The following DAB1 variants were observed in gnomAD, a reference collection of about 807,000 sequenced individuals.
DAB1 encodes DAB adaptor protein 1.
In DAB1, 15 loss-of-function variants were observed where a neutral mutation model predicts 64.6. The observed-to-expected ratio is 0.23, with a 90% CI of 0.16 to 0.36. The LOEUF is 0.36. Among genes scored for constraint, DAB1 ranks in the 10% least tolerant of loss-of-function variants. The pLI is 1.00. For missense variants in DAB1, 596 were observed against 706.7 expected, an observed-to-expected ratio of 0.84 and a Z score of 1.78; for synonymous variants, 235 against 251.9, an observed-to-expected ratio of 0.93 and a Z score of 0.64.
intron 7 of DAB1, among the ~76,000 whole-genome samples, chr1:57,520,297 T>C (rs545537976): frequency 2.0e-5 from 3 of 152,358 alleles, no homozygotes; most frequent in Admixed American, 2.0e-4. Context: ...GGATATTTAC[T>C]GTCTCATTCT....
chr1:57,363,818 G>T (rs1432997199), intron 1 of DAB1, among the ~76,000 whole-genome samples: 1 of 151,752 alleles, frequency 6.6e-6, no homozygotes, highest in Admixed American at 6.6e-5. Flanking sequence ...GCTGATATTT[G>T]TTTGTGGCTC....
At chr1:57,101,640 T>C (rs1654691789) in intron 4 of DAB1, among the ~76,000 whole-genome samples, 1 of 152,220 alleles carries the variant, frequency 6.6e-6, no homozygotes, top group Admixed American at 6.5e-5. Flanking sequence ...AGGCATGCTG[T>C]TTATTGATTC....
chr1:57,808,045 G>A (rs964039018), intron 6 of DAB1, among the ~76,000 whole-genome samples: 2 of 152,032 alleles, frequency 1.3e-5, no homozygotes, highest in African/African-American at 4.8e-5. Flanking sequence ...AAAGTTTTGG[G>A]GGAGTCAAAA....
At chr1:57,154,796 G>A (rs1029601250) in intron 2 of DAB1, among the ~76,000 whole-genome samples, 1 of 152,138 alleles carries the variant, frequency 6.6e-6, no homozygotes, top group Non-Finnish European at 1.5e-5. Context: ...GATGATCAAT[G>A]ACATTGAGCA....
At chr1:57,015,598 A>G (rs1259326834) in intron 11 of DAB1, among the ~76,000 whole-genome samples, 167 bp from the exon 12 acceptor site, 1 of 152,244 alleles carries the variant, frequency 6.6e-6, no homozygotes, top group Non-Finnish European at 1.5e-5. Context: ...TTGCTGTCAT[A>G]GAGCCTATAT....
chr1:58,366,858 T>C (rs1569690254), intron 3 of DAB1, among the ~76,000 whole-genome samples: 1 of 152,246 alleles, frequency 6.6e-6, no homozygotes, highest in African/African-American at 2.4e-5. Flanking sequence ...ATCAAGGTTA[T>C]ATTAACCCTT....
At chr1:58,533,302 C>T (rs1646465241) in intron 1 of DAB1, among the ~76,000 whole-genome samples, 1 of 152,182 alleles carries the variant, frequency 6.6e-6, no homozygotes, top group African/African-American at 2.4e-5. Flanking sequence ...ACAGAAGACC[C>T]ACGTTAAAGT....
rs149079275 is a variant in DAB1 at position 57,457,250 on chromosome 1, T to C, written n.626-166084A>G. Among the ~76,000 whole-genome samples the C allele has an allele frequency of 1.3e-4, 20 of 152,210 alleles. No individual in the cohort carries two copies. The East Asian group carries it at 3.9e-3, about 29-fold the overall frequency. On this transcript the variant is annotated intron_variant and non_coding_transcript_variant, in intron 7 of 20. Coordinates refer to the DAB1 transcript ENST00000485760. ...CACAAACATGTGGTAGACCGGAGAA[T>C]TGGACTAAGAACTGTGTGCACCAAC...
intron 2 of DAB1, among the ~76,000 whole-genome samples, chr1:57,240,084 C>T (rs1668391464): frequency 6.6e-6 from 1 of 152,188 alleles, no homozygotes; most frequent in Admixed American, 6.5e-5. Flanking sequence ...TGTCTTTATG[C>T]ATACTGATGA....
intron 7 of DAB1, among the ~76,000 whole-genome samples, chr1:57,441,332 C>CTTCT (rs57153893): frequency 0.032 from 2,187 of 69,148 alleles, 53 homozygotes; most frequent in African/African-American, 0.099. Flanking sequence ...TTTCCTCCTT[C>CTTCT]TTCTTTCTTT....
At chr1:58,301,162 G>A (rs905332409) in intron 4 of DAB1, among the ~76,000 whole-genome samples, 2 of 150,326 alleles carry the variant, frequency 1.3e-5, no homozygotes, top group Non-Finnish European at 3.0e-5. Context: ...GCCTGCAAAG[G>A]TGGAGTTTTG....
At chr1:58,387,638 C>T (rs1170473531) in intron 3 of DAB1, among the ~76,000 whole-genome samples, 1 of 151,830 alleles carries the variant, frequency 6.6e-6, no homozygotes, top group Non-Finnish European at 1.5e-5. Flanking sequence ...TGAGGACCCT[C>T]AGTGTTTTCT....
intron 2 of DAB1, among the ~76,000 whole-genome samples, chr1:58,515,615 T>C (rs1013298766): frequency 1.3e-5 from 2 of 152,182 alleles, no homozygotes; most frequent in Admixed American, 6.5e-5. Context: ...ACATACCTAT[T>C]AAATAAGATG....
chr1:57,910,080 C>A (rs921268615), intron 5 of DAB1, among the ~76,000 whole-genome samples: 1 of 152,150 alleles, frequency 6.6e-6, no homozygotes, highest in Admixed American at 6.5e-5. Flanking sequence ...AGCGACCCAG[C>A]GATCATTCAT....
intron 7 of DAB1, among the ~76,000 whole-genome samples, chr1:57,598,095 G>C (rs1041061084): frequency 4.6e-5 from 7 of 152,170 alleles, no homozygotes; most frequent in Non-Finnish European, 1.0e-4. Flanking sequence ...CCATTCCCCT[G>C]CCTCAGCCTC....
chr1:58,237,374 G>A (rs1660089682), intron 4 of DAB1, among the ~76,000 whole-genome samples: 1 of 152,196 alleles, frequency 6.6e-6, no homozygotes, highest in Non-Finnish European at 1.5e-5. Flanking sequence ...GCTGATTTTT[G>A]ACATCAACTT....
intron 2 of DAB1, among the ~76,000 whole-genome samples, chr1:57,161,800 A>G (rs1240113138): frequency 1.3e-5 from 2 of 150,976 alleles, no homozygotes; most frequent in Non-Finnish European, 2.9e-5. Context: ...TCAAGTGTAT[A>G]CTCTTCCAAG....
chr1:57,052,767 A>C (rs17451933), intron 9 of DAB1, among the ~76,000 whole-genome samples: 9,734 of 152,234 alleles, frequency 0.064, 436 homozygotes, highest in African/African-American at 0.13. Flanking sequence ...ATATAGGAAT[A>C]CCTTATAGAA....
intron 7 of DAB1, among the ~76,000 whole-genome samples, chr1:57,578,128 G>A (rs540725821): frequency 6.6e-6 from 1 of 152,290 alleles, no homozygotes; most frequent in South Asian, 2.1e-4. Flanking sequence ...GTTAAATTAG[G>A]TCATGCCAGG....
Sources: gnomAD v4.1 joint callset for allele counts (sites outside exome capture counted in the v4.1 genomes callset) on GRCh38, gnomAD v4.1.1 for gene constraint, MANE v1.5 for transcripts, NCBI Gene and HGNC (gene_info 2026-07-23, HGNC 2026-07-21) for gene names.